The following FOXO3B variants were observed in gnomAD, a reference collection of about 807,000 sequenced individuals.
FOXO3B encodes the protein forkhead box O3B.
FOXO3B carries 15 observed loss-of-function variants against 21.9 expected under a neutral mutation model. The observed-to-expected ratio is 0.68, with a 90% CI of 0.46 to 1.05. FOXO3B has a LOEUF of 1.05. FOXO3B is among the 50% of genes least tolerant of loss of function. The pLI, the probability that FOXO3B is intolerant of heterozygous loss-of-function variation, is 0.00. For missense variants in FOXO3B, 293 were observed against 435.5 expected (o/e 0.67, Z 2.91); for synonymous variants, 135 against 213.6 (o/e 0.63, Z 3.21).
At position 18,671,709 on chromosome 17, in the gene FOXO3B, C is replaced by A; in HGVS notation, c.*600G>T. On this transcript the variant is annotated 3_prime_UTR_variant, in exon 4 of 4. Coordinates refer to ENST00000395675, the MANE Select transcript of FOXO3B (RefSeq NM_001368135.1). ...GAAGCTAGAACTCCGCTGCATGAGT[C>A]CCCCAGTGGGCGATGGCTGGGATGG... 2 of 1,613,546 alleles carry A rather than the reference C, an allele frequency of 1.2e-6. No individual in the cohort carries two copies. The highest frequency in any genetic ancestry group is 1.7e-5 in the Admixed American group (1 of 60,006).
chr17:18,673,149 A>G lies in FOXO3B; in HGVS notation c.127-94T>C, dbSNP rs544777606. On this transcript the variant is annotated intron_variant, in intron 3 of 3. Coordinates refer to ENST00000395675, the MANE Select transcript of FOXO3B (RefSeq NM_001368135.1). ...TCCTCGCCCGCTGCCGCCACCTCCC[A>G]GTCTTGCCGCGCCCGCCTCCCAGGA... The G allele has an allele frequency of 1.1e-4, 153 of 1,346,826 alleles. 1 individual carries two copies. The South Asian group carries it at 2.2e-3, about 20-fold the overall frequency. The allele number at this position is 1,346,826 out of a possible 1,614,324, so 83.4% of individuals were successfully genotyped here. A position where few individuals can be genotyped will look rare whatever the true frequency, so the allele number is the denominator to read the frequency against.
At chr17:18,679,323 AAC>A (rs755467559) in intron 3 of FOXO3B, among the ~76,000 whole-genome samples, 28 of 152,108 alleles carry the variant, frequency 1.8e-4, no homozygotes, top group Non-Finnish European at 3.5e-4. Context: ...GACTTTTACA[AAC>A]ACTATGAATG....
chr17:18,674,609 A>G (rs9910590), intron 3 of FOXO3B, among the ~76,000 whole-genome samples: 7,780 of 141,496 alleles, frequency 0.055, 753 homozygotes, highest in African/African-American at 0.2. Flanking sequence ...CTGGGAAACA[A>G]AGCGAGACTC....
Position 18,672,160 on chromosome 17 carries a change from T to C in FOXO3B, c.*149A>G. On this transcript the variant is annotated 3_prime_UTR_variant, in exon 4 of 4. Coordinates refer to ENST00000395675, the MANE Select transcript of FOXO3B (RefSeq NM_001368135.1). This position sits in a 1 kb window ranked among gnomAD's most constrained non-coding sequence, Gnocchi z 4.2. ...ACGGCTCTTGGTATACTTGTTGCTA[T>C]TGTCCATGGAGACAGCCCGCCGCCG... The C allele has an allele frequency of 6.2e-7, 1 of 1,612,910 alleles. No individual in the cohort carries two copies. Among genetic ancestry groups the C allele is most frequent in the African/African-American group, 1.3e-5 (1 of 74,994 alleles).
Position 18,669,655 on chromosome 17 carries a change from C to G in FOXO3B, c.*2654G>C, listed in dbSNP as rs539232097. 3.4e-4 allele frequency among the ~76,000 whole-genome samples: 52 copies of G among 152,318 alleles called. No homozygotes were observed. In the South Asian group the frequency reaches 3.7e-3, roughly 11 times the overall value. On this transcript the variant is annotated 3_prime_UTR_variant, in exon 4 of 4. Coordinates refer to ENST00000395675, the MANE Select transcript of FOXO3B (RefSeq NM_001368135.1). ...ACAGAAGCAGAAAAAAAAGTTAAAA[C>G]TGCCCTATTTTGTACTTCCATTGAG...
intron 3 of FOXO3B, among the ~76,000 whole-genome samples, chr17:18,679,357 T>C (rs2649432): frequency 0.16 from 22,810 of 146,376 alleles, 2,222 homozygotes; most frequent in African/African-American, 0.26. Flanking sequence ...CTTTTTACAC[T>C]TTGGATTACA....
In FOXO3B at chr17:18,672,372, C is replaced by T. The variant is rs1400757714; in HGVS notation, c.810G>A (p.Glu270=). 7 of 1,613,040 alleles carry T rather than the reference C, an allele frequency of 4.3e-6. No homozygotes were observed. Among genetic ancestry groups the T allele is most frequent in the Non-Finnish European group, 5.9e-6 (7 of 1,179,514 alleles). Residue 270 remains glutamate (E), a synonymous_variant, in exon 4 of 4, where the codon GAG becomes GAA. Coordinates refer to ENST00000395675, the MANE Select transcript of FOXO3B (RefSeq NM_001368135.1). This position sits in a 1 kb window ranked among gnomAD's most constrained non-coding sequence, Gnocchi z 4.2. ...AGTAGGGCACGCAACTCACCATCCACTCGTAGATCTGGGACAGAGTGAGCC... is the reference window on the plus strand; with the variant it reads ...AGTAGGGCACGCAACTCACCATCCATTCGTAGATCTGGGACAGAGTGAGCC... ...DRRLTLSQIY[E]WMVSCVPYFK... is the part of the protein sequence containing the mutation.
rs749791807 is a variant in FOXO3B, at chr17:18,672,844, G to A, written c.338C>T (p.Pro113Leu). 16 of 1,559,090 alleles carry A rather than the reference G, an allele frequency of 1.0e-5. No homozygotes were observed. Among genetic ancestry groups the A allele is most frequent in the Middle Eastern group, 2.3e-4 (1 of 4,380 alleles). ...LDPEFEPQSRPRSCTWPLQRP... is the reference protein window; with the variant it reads ...LDPEFEPQSRLRSCTWPLQRP... Reference sequence around the variant, plus strand: ...TTGCAGGGGCCACGTACAGGATCGCGGACGGCTCTGGGGCTCGAACTCCGG... The same window carrying A: ...TTGCAGGGGCCACGTACAGGATCGCAGACGGCTCTGGGGCTCGAACTCCGG... The change falls in exon 4 of 4, where the codon CCG becomes CTG. Residue 113 changes from proline to leucine, a missense_variant. Pro to Leu is a moderately conservative substitution (Grantham distance 98). This residue lies in a region of FOXO3B where 251 missense variants were observed against 404.0 expected (regional missense o/e 0.62). Transcript: ENST00000395675. The surrounding 1 kb of genome is among the most constrained non-coding windows in gnomAD (Gnocchi z 4.2).
intron 3 of FOXO3B, among the ~76,000 whole-genome samples, chr17:18,676,689 T>C (rs931019184): frequency 1.3e-5 from 2 of 151,872 alleles, no homozygotes; most frequent in African/African-American, 4.8e-5. Flanking sequence ...TAAAAGGGTT[T>C]CTTTTCTTTG....
Position 18,680,819 on chromosome 17 carries a change from G to C in FOXO3B, c.48C>G (p.Ser16=). Residue 16 remains serine (S), a synonymous_variant, in exon 3 of 4, where the codon TCC becomes TCG. Coordinates refer to ENST00000395675, the MANE Select transcript of FOXO3B (RefSeq NM_001368135.1). ...TCTCTTGGAAATGGGGAGAATCCTG[G>C]GAAGACAGAACTAACGACAAGAAAG... is the stretch of plus-strand genomic sequence containing the variant. ...AEMPEKGVLS[S]QDSPHFQEKS... is the part of the protein sequence containing the mutation. 6.2e-7 allele frequency: 1 copy of C among 1,603,168 alleles called. No individual in the cohort carries two copies. The highest frequency in any genetic ancestry group is 8.5e-7 in the Non-Finnish European group (1 of 1,172,888).
rs9635700 is a variant in FOXO3B, at chr17:18,671,559, G to T, written c.*750C>A. On this transcript the variant is annotated 3_prime_UTR_variant, in exon 4 of 4. Coordinates refer to ENST00000395675, the MANE Select transcript of FOXO3B (RefSeq NM_001368135.1). ...GTGTGACATGGAAGAGAAGGTAGCT[G>T]GCTTGTTCTCTTGGATGGTCTGCAT... The T allele has an allele frequency of 0.37, 596,590 of 1,606,860 alleles. 112,600 individuals carry two copies. Among genetic ancestry groups the T allele is most frequent in the Middle Eastern group, 0.44 (2,671 of 6,044 alleles).
At position 18,679,513 on chromosome 17, in the gene FOXO3B, TCTGGGCTCACTGCAACCTCTGCCTC is replaced by T. The variant is rs562991520; in HGVS notation, c.126+1203_126+1227del. On this transcript the variant is annotated intron_variant, in intron 3 of 3. Coordinates refer to ENST00000395675, the MANE Select transcript of FOXO3B (RefSeq NM_001368135.1). Reference sequence around the variant, plus strand: ...CCCAGGCTGGAGTGCAGTAGCCCTATCTGGGCTCACTGCAACCTCTGCCTCCTGGGTTCAAGTGATTCTCATGCCT... The same window carrying T: ...CCCAGGCTGGAGTGCAGTAGCCCTATCTGGGTTCAAGTGATTCTCATGCCT... 9.5e-3 allele frequency among the ~76,000 whole-genome samples: 1,439 copies of T among 151,342 alleles called. 19 individuals carry two copies. Among genetic ancestry groups the T allele is most frequent in the African/African-American group, 0.028 (1,136 of 40,982 alleles).
In FOXO3B at chr17:18,682,211, C is replaced by A. The variant is rs2032600243; in HGVS notation, c.-203G>T. On this transcript the variant is annotated 5_prime_UTR_variant, in exon 1 of 4. Coordinates refer to ENST00000395675, the MANE Select transcript of FOXO3B (RefSeq NM_001368135.1). Reference sequence around the variant, plus strand: ...TCACCACAAGCAACTCACCTCCCATCCCGGGCCTCACAAAGGGGACGAACT... The same window carrying A: ...TCACCACAAGCAACTCACCTCCCATACCGGGCCTCACAAAGGGGACGAACT... 1.5e-6 allele frequency: 1 copy of A among 684,342 alleles called. No homozygotes were observed. The highest frequency in any genetic ancestry group is 2.7e-6 in the Non-Finnish European group (1 of 374,378). The allele number at this position is 684,342 out of a possible 1,614,324, so 42.4% of individuals were successfully genotyped here. A position where few individuals can be genotyped will look rare whatever the true frequency, so the allele number is the denominator to read the frequency against.
At chr17:18,677,837 A>G (rs2036615128) in intron 3 of FOXO3B, 3 of 1,154,658 alleles carry the variant, frequency 2.6e-6, no homozygotes, top group Non-Finnish European at 2.4e-6. Flanking sequence ...AGTTATTTAA[A>G]TTATGGCTGG....
rs1001581449 is a variant in FOXO3B, at chr17:18,672,495, G to T, written c.687C>A (p.Ser229=). 11 of 1,541,482 alleles carry T rather than the reference G, an allele frequency of 7.1e-6. No homozygotes were observed. The highest frequency in any genetic ancestry group is 9.6e-6 in the Non-Finnish European group (11 of 1,142,380). ...GCGACGAACATTTCCTCGGCTGCCC[G>T]GAGCCCCCAGCCGCCCCCGGCTGCG... The part of the protein sequence containing the change: ...PPPQPGAAGG[S]GQPRKCSSRR... Residue 229 remains serine, a synonymous_variant, in exon 4 of 4, where the codon TCC becomes TCA. Coordinates refer to ENST00000395675, the MANE Select transcript of FOXO3B (RefSeq NM_001368135.1). This position sits in a 1 kb window ranked among gnomAD's most constrained non-coding sequence, Gnocchi z 4.2.
rs1416113608 is a variant in FOXO3B at position 18,668,896 on chromosome 17, G to A, written c.*3413C>T. 1.3e-5 allele frequency: 2 copies of A among 152,094 alleles called. No homozygotes were observed. The highest frequency in any genetic ancestry group is 2.9e-5 in the Non-Finnish European group (2 of 68,028). 9.4% of individuals were successfully genotyped at this position (152,094 alleles called of 1,614,324 possible). On this transcript the variant is annotated 3_prime_UTR_variant, in exon 4 of 4. Transcript: ENST00000395675. Reference sequence around the variant, plus strand: ...TAAAGGAATATAGTAAGCAAGTCTGGCTCACTGACAAGCAGACCATATGAA... The same window carrying A: ...TAAAGGAATATAGTAAGCAAGTCTGACTCACTGACAAGCAGACCATATGAA...
intron 3 of FOXO3B, among the ~76,000 whole-genome samples, chr17:18,674,135 G>A (rs1032232703): frequency 2.0e-5 from 3 of 151,734 alleles, no homozygotes; most frequent in Admixed American, 1.3e-4. Context: ...CAGCCCTGAG[G>A]AGAGCTCTAG....
At chr17:18,674,634 A>AG in intron 3 of FOXO3B, among the ~76,000 whole-genome samples, 1 of 139,776 alleles carries the variant, frequency 7.2e-6, no homozygotes, top group African/African-American at 2.8e-5. Context: ...TCAAAAAAAA[A>AG]AAAAAGGGGG....
Position 18,671,709 on chromosome 17 carries a change from C to G in FOXO3B, c.*600G>C. On this transcript the variant is annotated 3_prime_UTR_variant, in exon 4 of 4. Coordinates refer to ENST00000395675, the MANE Select transcript of FOXO3B (RefSeq NM_001368135.1). ...GAAGCTAGAACTCCGCTGCATGAGT[C>G]CCCCAGTGGGCGATGGCTGGGATGG... 4.3e-6 allele frequency: 7 copies of G among 1,613,546 alleles called. No homozygotes were observed. In the African/African-American group the frequency reaches 8.0e-5, roughly 19 times the overall value.
Sources: allele counts gnomAD v4.1 joint callset (sites outside exome capture counted in the v4.1 genomes callset), GRCh38; gene constraint gnomAD v4.1.1; regional missense constraint gnomAD v4.1.1; non-coding constraint Gnocchi (gnomAD v3.1); transcripts MANE v1.5; gene names NCBI Gene and HGNC (gene_info 2026-07-23, HGNC 2026-07-21).